Variants in DEPDC1B observed in about 807,000 individuals in gnomAD.
DEPDC1B encodes DEP domain containing 1B.
A neutral mutation model predicts 66.5 loss-of-function variants in DEPDC1B; 51 were observed. The observed-to-expected ratio is 0.77, with a 90% CI of 0.61 to 0.97. The LOEUF is 0.97. DEPDC1B is among the 50% of genes least tolerant of loss of function. The probability of loss-of-function intolerance (pLI) is 0.00; values close to 1 mark genes in which losing one functional copy is unlikely to be tolerated. For missense variants in DEPDC1B, 552 were observed against 637.1 expected, an observed-to-expected ratio of 0.87 and a Z score of 1.44; for synonymous variants, 226 against 223.6, an observed-to-expected ratio of 1.01 and a Z score of -0.10.
At chr5:60,613,968 T>A (rs746363037) in intron 7 of DEPDC1B, among the ~76,000 whole-genome samples, 7 of 152,218 alleles carry the variant, frequency 4.6e-5, no homozygotes, top group Non-Finnish European at 8.8e-5. Flanking sequence ...TGATACTTAG[T>A]CACAAATTGC....
chr5:60,634,832 C>G (rs894691577), intron 7 of DEPDC1B, among the ~76,000 whole-genome samples: 3 of 151,778 alleles, frequency 2.0e-5, no homozygotes, highest in Admixed American at 6.6e-5. Context: ...TAGGCAGCAA[C>G]AGTCATTATG....
intron 8 of DEPDC1B, among the ~76,000 whole-genome samples, chr5:60,604,215 A>ATTTT (rs1323826916): frequency 2.0e-4 from 12 of 60,102 alleles, no homozygotes; most frequent in East Asian, 6.2e-4. Flanking sequence ...GAAATTAACT[A>ATTTT]TTCTTTTTTT....
intron 2 of DEPDC1B, among the ~76,000 whole-genome samples, chr5:60,684,475 T>C (rs955712889): frequency 6.6e-6 from 1 of 152,140 alleles, no homozygotes; most frequent in Non-Finnish European, 1.5e-5. Flanking sequence ...TCAACCAAGA[T>C]GCCAAGAACA....
At chr5:60,621,719 AAT>A (rs1298367555) in intron 7 of DEPDC1B, among the ~76,000 whole-genome samples, 2 of 152,188 alleles carry the variant, frequency 1.3e-5, no homozygotes, top group Non-Finnish European at 2.9e-5. Context: ...AAAAGAAAGA[AAT>A]GGCTTTCAGG....
intron 1 of DEPDC1B, among the ~76,000 whole-genome samples, chr5:60,689,546 T>G (rs958722003): frequency 5.3e-5 from 8 of 152,242 alleles, no homozygotes; most frequent in African/African-American, 1.7e-4. Context: ...AAATCTATGT[T>G]CTACCTACAG....
intron 2 of DEPDC1B, among the ~76,000 whole-genome samples, chr5:60,669,233 C>A (rs936877437): frequency 6.6e-6 from 1 of 152,112 alleles, no homozygotes; most frequent in African/African-American, 2.4e-5. Context: ...CACAAAGAAA[C>A]ATAGTTATAA....
At chr5:60,662,925 C>G (rs560177696) in intron 2 of DEPDC1B, among the ~76,000 whole-genome samples, 1 of 152,324 alleles carries the variant, frequency 6.6e-6, no homozygotes, top group Admixed American at 6.5e-5. Context: ...TCCCGGCCAA[C>G]TGTCCTCCAG....
chr5:60,624,754 G>T (rs1002940945), intron 7 of DEPDC1B, among the ~76,000 whole-genome samples: 2 of 151,954 alleles, frequency 1.3e-5, no homozygotes, highest in African/African-American at 4.8e-5. Flanking sequence ...TAAGTTCTGG[G>T]GTACATGTAC....
chr5:60,641,342 TCAA>T (rs999936335), intron 6 of DEPDC1B, among the ~76,000 whole-genome samples: 8 of 145,306 alleles, frequency 5.5e-5, no homozygotes, highest in Non-Finnish European at 9.0e-5. Flanking sequence ...TCCTAGCTGA[TCAA>T]CTTCTTTTTT....
chr5:60,600,898 T>C (rs1395999890), intron 9 of DEPDC1B, among the ~76,000 whole-genome samples: 2 of 152,262 alleles, frequency 1.3e-5, no homozygotes, highest in Admixed American at 6.5e-5. Context: ...TCTTGAAATG[T>C]AGTTCCCATA....
At chr5:60,610,513 G>A (rs1041085768) in intron 7 of DEPDC1B, among the ~76,000 whole-genome samples, 5 of 152,058 alleles carry the variant, frequency 3.3e-5, no homozygotes, top group African/African-American at 4.8e-5. Flanking sequence ...ATTTGGCTCC[G>A]GGCCTCACAA....
At chr5:60,645,676 A>G in intron 3 of DEPDC1B, 57 bp from the exon 4 acceptor site, 1 of 1,521,532 alleles carries the variant, frequency 6.6e-7, no homozygotes, top group Non-Finnish European at 8.9e-7. Context: ...AAGACAGTGA[A>G]TAAATATTTC....
At chr5:60,647,703 A>G in intron 2 of DEPDC1B, 170 bp from the exon 3 acceptor site, 1 of 531,738 alleles carries the variant, frequency 1.9e-6, no homozygotes, top group Non-Finnish European at 3.0e-6. Context: ...CATACCTGAT[A>G]AAGAAAAGAA....
At chr5:60,667,514 C>CAAAAAATGGATATTTTACATATATAT (rs1223763941) in intron 2 of DEPDC1B, among the ~76,000 whole-genome samples, 11,294 of 62,084 alleles carry the variant, frequency 0.18, 1,446 homozygotes, top group Non-Finnish European at 0.25. Context: ...TACATATATA[C>CAAAAAATGGATATTTTACATATATAT]AAAAAATGGA....
At chr5:60,662,152 G>A (rs566865658) in intron 2 of DEPDC1B, among the ~76,000 whole-genome samples, 1 of 152,214 alleles carries the variant, frequency 6.6e-6, no homozygotes, top group South Asian at 2.1e-4. Flanking sequence ...ACTTTGGGAG[G>A]CTGAGGCAGG....
chr5:60,656,247 G>A (rs535589526), intron 2 of DEPDC1B, among the ~76,000 whole-genome samples: 21 of 147,936 alleles, frequency 1.4e-4, no homozygotes, highest in African/African-American at 2.3e-4. Flanking sequence ...TACAAGCTCC[G>A]CCTCCTGGGT....
chr5:60,641,226 TTAC>T (rs1753184277), intron 6 of DEPDC1B, among the ~76,000 whole-genome samples: 1 of 152,204 alleles, frequency 6.6e-6, no homozygotes, highest in Non-Finnish European at 1.5e-5. Context: ...ATTATGTTCT[TTAC>T]TACATTTCAG....
At chr5:60,598,568 G>A (rs1752140077) in intron 10 of DEPDC1B, among the ~76,000 whole-genome samples, 1 of 152,138 alleles carries the variant, frequency 6.6e-6, no homozygotes, top group Admixed American at 6.5e-5. Context: ...AGTTAAAAAC[G>A]ATTCGCTGGA....
At chr5:60,615,327 G>A (rs558380548) in intron 7 of DEPDC1B, among the ~76,000 whole-genome samples, 111 of 152,248 alleles carry the variant, frequency 7.3e-4, no homozygotes, top group African/African-American at 7.0e-4. Flanking sequence ...CACACCAAGC[G>A]TGAGCCAAAG....
Sources: gnomAD v4.1 joint callset for allele counts (sites outside exome capture counted in the v4.1 genomes callset) on GRCh38, gnomAD v4.1.1 for gene constraint, MANE v1.5 for transcripts, NCBI Gene and HGNC (gene_info 2026-07-23, HGNC 2026-07-21) for gene names.